Variants in SHISA9 observed in about 807,000 individuals in gnomAD.
SHISA9 encodes shisa family member 9.
A neutral mutation model predicts 38.0 loss-of-function variants in SHISA9; 13 were observed. That is an observed-to-expected ratio of 0.34 (90% confidence interval 0.22 to 0.54). The LOEUF (loss-of-function observed/expected upper bound fraction) is 0.54, where lower values mean the gene tolerates loss of function less well. Among genes scored for constraint, SHISA9 ranks in the 20% least tolerant of loss-of-function variants. The pLI, the probability that SHISA9 is intolerant of heterozygous loss-of-function variation, is 0.91. For missense variants in SHISA9, 538 were observed against 575.8 expected (o/e 0.93, Z 0.67); for synonymous variants, 275 against 242.0 (o/e 1.14, Z -1.27).
the SHISA9 span, among the ~76,000 whole-genome samples, chr16:13,262,028 A>G: frequency 1.3e-5 from 2 of 152,186 alleles, no homozygotes; most frequent in Non-Finnish European, 2.9e-5. Flanking sequence ...TAATAGATAG[A>G]TAACATAGAC....
the SHISA9 span, among the ~76,000 whole-genome samples, chr16:13,405,556 G>A: frequency 6.6e-6 from 1 of 152,168 alleles, no homozygotes; most frequent in Non-Finnish European, 1.5e-5. Context: ...GAGGTTTTGG[G>A]TACAGTTGAT....
At chr16:13,299,558 A>G in the SHISA9 span, among the ~76,000 whole-genome samples, 7 of 152,222 alleles carry the variant, frequency 4.6e-5, no homozygotes, top group South Asian at 1.5e-3. Flanking sequence ...TACTAAAAAT[A>G]CAAAAATTAG....
At chr16:13,431,334 G>C in the SHISA9 span, among the ~76,000 whole-genome samples, 3 of 151,926 alleles carry the variant, frequency 2.0e-5, no homozygotes, top group African/African-American at 7.3e-5. Context: ...GGTCGAATAG[G>C]GAAAAAAATA....
the SHISA9 span, among the ~76,000 whole-genome samples, chr16:13,434,164 G>C: frequency 1.3e-5 from 2 of 152,160 alleles, no homozygotes; most frequent in Non-Finnish European, 2.9e-5. Flanking sequence ...ACGGGAGAAA[G>C]ATGGAGGCCA....
At chr16:13,300,683 T>G in the SHISA9 span, among the ~76,000 whole-genome samples, 1 of 152,166 alleles carries the variant, frequency 6.6e-6, no homozygotes, top group Non-Finnish European at 1.5e-5. Context: ...CGTGCCTGTG[T>G]CACTGACTCT....
At chr16:12,989,597 C>A (rs533450046) in intron 2 of SHISA9, among the ~76,000 whole-genome samples, 1 of 151,898 alleles carries the variant, frequency 6.6e-6, no homozygotes, top group African/African-American at 2.4e-5. Context: ...CACTCCTGGC[C>A]CAGCCTGTTT....
chr16:13,319,788 T>A, the SHISA9 span, among the ~76,000 whole-genome samples: 1 of 139,234 alleles, frequency 7.2e-6, no homozygotes, highest in Admixed American at 7.3e-5. Context: ...TGCAGAGATG[T>A]GCACAGAGCT....
At chr16:12,941,655 C>A (rs1384074257) in intron 2 of SHISA9, among the ~76,000 whole-genome samples, 1 of 152,174 alleles carries the variant, frequency 6.6e-6, no homozygotes, top group Non-Finnish European at 1.5e-5. Context: ...CAGTTCGAGA[C>A]CAGCCTGACC....
chr16:13,468,254 C>T, the SHISA9 span, among the ~76,000 whole-genome samples: 1 of 152,168 alleles, frequency 6.6e-6, no homozygotes, highest in Non-Finnish European at 1.5e-5. Flanking sequence ...ATATTTATCT[C>T]CATTGATTCA....
the SHISA9 span, among the ~76,000 whole-genome samples, chr16:13,342,640 A>G: frequency 2.0e-5 from 3 of 152,144 alleles, no homozygotes. Flanking sequence ...AACAAACTCT[A>G]ATACAATAAC....
intron 2 of SHISA9, among the ~76,000 whole-genome samples, chr16:13,019,848 C>A (rs184747347): frequency 4.6e-5 from 1 of 21,820 alleles, no homozygotes; most frequent in Non-Finnish European, 9.3e-5. Flanking sequence ...CCTTCCTTCC[C>A]TCCCTCCCTC....
intron 2 of SHISA9, among the ~76,000 whole-genome samples, chr16:12,974,130 C>A (rs2141815282): frequency 6.6e-6 from 1 of 152,204 alleles, no homozygotes; most frequent in East Asian, 1.9e-4. Flanking sequence ...CCAGGGAGTT[C>A]CAAGGTCCCT....
the SHISA9 span, among the ~76,000 whole-genome samples, chr16:13,510,555 A>T: frequency 7.2e-5 from 11 of 152,310 alleles, no homozygotes; most frequent in Admixed American, 5.9e-4. Context: ...CTGGTCCATC[A>T]CAACCAGTGT....
the SHISA9 span, among the ~76,000 whole-genome samples, chr16:13,265,176 C>T: frequency 8.3e-6 from 1 of 120,850 alleles, no homozygotes; most frequent in Non-Finnish European, 1.8e-5. Flanking sequence ...TCCCTCCCCT[C>T]CTCTTCCCAC....
At chr16:13,226,428 G>T (rs992506916) in intron 4 of SHISA9, among the ~76,000 whole-genome samples, 1 of 152,176 alleles carries the variant, frequency 6.6e-6, no homozygotes, top group Non-Finnish European at 1.5e-5. Context: ...AGGCATGAAT[G>T]ATATAATCTT....
At chr16:13,260,220 G>T in the SHISA9 span, among the ~76,000 whole-genome samples, 2 of 151,588 alleles carry the variant, frequency 1.3e-5, no homozygotes, top group Admixed American at 6.6e-5. Flanking sequence ...GTTTCACCGT[G>T]TTGGCCAGGA....
At chr16:13,133,594 C>G (rs1251115768) in intron 2 of SHISA9, among the ~76,000 whole-genome samples, 1 of 152,192 alleles carries the variant, frequency 6.6e-6, no homozygotes, top group Non-Finnish European at 1.5e-5. Context: ...GAAAAGCGGA[C>G]TATTTTCTTC....
At chr16:13,495,021 C>G in the SHISA9 span, among the ~76,000 whole-genome samples, 1,135 of 152,198 alleles carry the variant, frequency 7.5e-3, 18 homozygotes, top group African/African-American at 0.026. Flanking sequence ...ATTCTTGAAA[C>G]GACAAAGCTA....
chr16:13,454,925 G>A, the SHISA9 span, among the ~76,000 whole-genome samples: 2 of 152,284 alleles, frequency 1.3e-5, no homozygotes, highest in East Asian at 1.9e-4. Flanking sequence ...ACTTGCCTGA[G>A]TGTTCACCCC....
Sources: allele counts gnomAD v4.1 joint callset (sites outside exome capture counted in the v4.1 genomes callset), GRCh38; gene constraint gnomAD v4.1.1; transcripts MANE v1.5; gene names NCBI Gene and HGNC (gene_info 2026-07-23, HGNC 2026-07-21).